Variants in SPSB4 observed in about 807,000 individuals in gnomAD.
SPSB4 encodes the protein splA/ryanodine receptor domain and SOCS box containing 4, also known as SPRY domain-containing SOCS box protein 4.
A neutral mutation model predicts 20.9 loss-of-function variants in SPSB4; 21 were observed. That is an observed-to-expected ratio of 1.01 (90% CI 0.71 to 1.45). SPSB4 has a LOEUF of 1.45. Among genes scored for constraint, SPSB4 ranks in the 40% most tolerant of loss-of-function variants. The pLI is 0.00. For synonymous variants in SPSB4, 207 were observed against 183.8 expected, an observed-to-expected ratio of 1.13 and a Z score of -1.02; for missense variants, 399 against 399.2, an observed-to-expected ratio of 1.00 and a Z score of 0.00.
At chr3:141,108,083 T>C (rs553513867) in intron 2 of SPSB4, among the ~76,000 whole-genome samples, 1 of 152,136 alleles carries the variant, frequency 6.6e-6, no homozygotes, top group Non-Finnish European at 1.5e-5. Flanking sequence ...GGGACTCTGG[T>C]GCAAGCCCCT....
chr3:141,054,208 G>A (rs1936143150), intron 1 of SPSB4, among the ~76,000 whole-genome samples: 1 of 152,148 alleles, frequency 6.6e-6, no homozygotes, highest in Admixed American at 6.5e-5. Flanking sequence ...CCGACCTGTT[G>A]TCACACATCC....
intron 1 of SPSB4, among the ~76,000 whole-genome samples, chr3:141,053,101 C>T (rs141630437): frequency 6.6e-6 from 1 of 152,074 alleles, no homozygotes; most frequent in Admixed American, 6.5e-5. Flanking sequence ...AACCTCCCCC[C>T]GCTTGGTTTC....
chr3:141,064,029 C>T (rs1233484497), intron 1 of SPSB4, among the ~76,000 whole-genome samples: 2 of 152,264 alleles, frequency 1.3e-5, no homozygotes, highest in Non-Finnish European at 2.9e-5. Flanking sequence ...CTGCCCTCCT[C>T]TTCCCCCAGG....
chr3:141,054,694 G>A (rs1192553866), intron 1 of SPSB4, among the ~76,000 whole-genome samples: 1 of 152,240 alleles, frequency 6.6e-6, no homozygotes, highest in East Asian at 1.9e-4. Context: ...GTATACGTGT[G>A]GTGGTTCATG....
rs962358484 is a variant in SPSB4, at chr3:141,051,534, C to T, written c.-612C>T. 1 of 152,346 alleles carries T rather than the reference C, an allele frequency of 6.6e-6. No individual in the cohort carries two copies. Among genetic ancestry groups the T allele is most frequent in the African/African-American group, 2.4e-5 (1 of 41,324 alleles). The allele number at this position is 152,346 out of a possible 1,614,324, so 9.4% of individuals were successfully genotyped here. ...ACACACCACATCCCGGGCCCGGGCC[C>T]CAGCTGCTGCTACCGCTGCGTGCGC... On this transcript the variant is annotated 5_prime_UTR_variant, in exon 1 of 3. Transcript: ENST00000310546.
chr3:141,053,963 C>T (rs1198826957), intron 1 of SPSB4, among the ~76,000 whole-genome samples: 3 of 152,158 alleles, frequency 2.0e-5, no homozygotes, highest in Non-Finnish European at 4.4e-5. Flanking sequence ...TCCTTTTACT[C>T]CAACACTCCA....
intron 2 of SPSB4, among the ~76,000 whole-genome samples, chr3:141,081,297 T>A (rs894547685): frequency 6.6e-6 from 1 of 152,178 alleles, no homozygotes; most frequent in African/African-American, 2.4e-5. Flanking sequence ...GATGAGCCCA[T>A]GTAAACCATT....
chr3:141,058,477 T>A (rs1464013892), intron 1 of SPSB4, among the ~76,000 whole-genome samples: 1 of 152,218 alleles, frequency 6.6e-6, no homozygotes. Flanking sequence ...TCCTTTGGCG[T>A]TCTTCAGGAT....
intron 2 of SPSB4, among the ~76,000 whole-genome samples, chr3:141,086,776 G>C (rs924715015): frequency 6.6e-6 from 1 of 152,214 alleles, no homozygotes; most frequent in African/African-American, 2.4e-5. Context: ...CGTGTCCCAG[G>C]CTCTGTTATC....
intron 2 of SPSB4, among the ~76,000 whole-genome samples, chr3:141,133,622 G>T (rs1468479008): frequency 6.6e-6 from 1 of 152,072 alleles, no homozygotes; most frequent in Non-Finnish European, 1.5e-5. Context: ...TTATCTCTGG[G>T]TTCTCTATTC....
At chr3:141,117,036 T>A (rs1218094005) in intron 2 of SPSB4, 1 of 152,216 alleles carries the variant, frequency 6.6e-6, no homozygotes, top group African/African-American at 2.4e-5. Flanking sequence ...TGTGGAATTA[T>A]CTGTGGTTAT....
chr3:141,118,583 G>A (rs1384818880), intron 2 of SPSB4, among the ~76,000 whole-genome samples: 1 of 152,130 alleles, frequency 6.6e-6, no homozygotes, highest in Non-Finnish European at 1.5e-5. Flanking sequence ...TGTCCTGAAT[G>A]GTATTGCCTA....
At chr3:141,058,582 G>A (rs894965332) in intron 1 of SPSB4, among the ~76,000 whole-genome samples, 6 of 152,164 alleles carry the variant, frequency 3.9e-5, no homozygotes, top group Admixed American at 3.9e-4. Flanking sequence ...GCTGCATGCT[G>A]TAGTGGAGAT....
intron 1 of SPSB4, among the ~76,000 whole-genome samples, chr3:141,061,813 G>C (rs1937771389): frequency 6.9e-6 from 1 of 145,916 alleles, no homozygotes; most frequent in Non-Finnish European, 1.5e-5. Context: ...TTGGCTTACT[G>C]CAACCTCCAC....
rs190184689 is a variant in SPSB4 at position 141,104,959 on chromosome 3, A to C, written c.694+38161A>C. Among the ~76,000 whole-genome samples the C allele has an allele frequency of 4.1e-3, 631 of 152,302 alleles. 2 individuals are homozygous for C. The highest frequency in any genetic ancestry group is 0.012 in the African/African-American group (511 of 41,550). On this transcript the variant is annotated intron_variant, in intron 2 of 2. Transcript: ENST00000310546. Reference sequence around the variant, plus strand: ...GTACACCCAAGATCCCACCTCTGGAAGGGATGGGTACCATCCAAGCCGCCT... The same window carrying C: ...GTACACCCAAGATCCCACCTCTGGACGGGATGGGTACCATCCAAGCCGCCT...
At chr3:141,134,047 T>TC (rs1939183756) in intron 2 of SPSB4, among the ~76,000 whole-genome samples, 1 of 127,166 alleles carries the variant, frequency 7.9e-6, no homozygotes, top group African/African-American at 3.1e-5. Context: ...TTTTTTTTTT[T>TC]TCTTTTTTCT....
At chr3:141,127,291 C>T (rs1048555011) in intron 2 of SPSB4, among the ~76,000 whole-genome samples, 1 of 152,228 alleles carries the variant, frequency 6.6e-6, no homozygotes. Flanking sequence ...GGGTTCAGGT[C>T]TCCAGACCCC....
chr3:141,059,883 G>GT (rs1330274843), intron 1 of SPSB4, among the ~76,000 whole-genome samples: 3 of 152,250 alleles, frequency 2.0e-5, no homozygotes, highest in Non-Finnish European at 4.4e-5. Context: ...TTAGCACATA[G>GT]TTAGCAGCAC....
chr3:141,055,181 G>A (rs1435415810), intron 1 of SPSB4, among the ~76,000 whole-genome samples: 1 of 152,186 alleles, frequency 6.6e-6, no homozygotes. Context: ...AGACAAAGTG[G>A]GTTGGAGGGC....
Sources: gnomAD v4.1 joint callset for allele counts (sites outside exome capture counted in the v4.1 genomes callset) on GRCh38, gnomAD v4.1.1 for gene constraint, MANE v1.5 for transcripts, NCBI Gene and HGNC (gene_info 2026-07-23, HGNC 2026-07-21) for gene names.